TNR: variants seen among roughly 807,000 people sequenced by gnomAD.
The protein encoded by TNR is tenascin-R.
A neutral mutation model predicts 150.4 loss-of-function variants in TNR; 45 were observed. The observed-to-expected ratio is 0.30, with a 90% confidence interval of 0.24 to 0.38. TNR has a LOEUF of 0.38. Among genes scored for constraint, TNR ranks in the 10% least tolerant of loss-of-function variants. The pLI is 1.00. For missense variants in TNR, 1,544 were observed against 1,759.1 expected, an observed-to-expected ratio of 0.88 and a Z score of 2.19; for synonymous variants, 687 against 678.4, an observed-to-expected ratio of 1.01 and a Z score of -0.20.
chr1:175,406,084 T>C lies in TNR; in HGVS notation c.499+132A>G. The C allele has an allele frequency of 2.4e-6, 3 of 1,247,122 alleles. No homozygotes were observed. In the South Asian group the frequency reaches 4.5e-5, roughly 19 times the overall value. 77.3% of individuals were successfully genotyped at this position (1,247,122 alleles called of 1,614,324 possible). On this transcript the variant is annotated intron_variant, in intron 3 of 22. Transcript: ENST00000367674. ...AGGACACTTTTTTCCTTTGACCGTGTGAAGAGATGCCGGGGTTTTGCTGGG... is the reference window on the plus strand; with the variant it reads ...AGGACACTTTTTTCCTTTGACCGTGCGAAGAGATGCCGGGGTTTTGCTGGG...
At chr1:175,347,827 C>T (rs1285704123) in intron 18 of TNR, among the ~76,000 whole-genome samples, 1 of 152,006 alleles carries the variant, frequency 6.6e-6, no homozygotes, top group African/African-American at 2.4e-5. Context: ...GCTTTAGTTG[C>T]ATTCCTTTTG....
chr1:175,640,791 GTATA>G (rs59240572), intron 1 of TNR, among the ~76,000 whole-genome samples: 4 of 143,628 alleles, frequency 2.8e-5, no homozygotes, highest in Admixed American at 7.0e-5. Context: ...GTGTGTGTGG[GTATA>G]TATATATATA....
rs528852206 is a variant in TNR at position 175,424,771 on chromosome 1, C to T, written c.-63-17994G>A. Among the ~76,000 whole-genome samples, 134 of 152,210 alleles carry T rather than the reference C, an allele frequency of 8.8e-4. 1 individual carries two copies. The highest frequency in any genetic ancestry group is 3.2e-3 in the African/African-American group (132 of 41,546). ...TCTCTACCCAGCACCAGCCAGTTGCCGCCAGAGTATCAGAAGCTTCAAAGT... is the reference window on the plus strand; with the variant it reads ...TCTCTACCCAGCACCAGCCAGTTGCTGCCAGAGTATCAGAAGCTTCAAAGT... On this transcript the variant is annotated intron_variant, in intron 2 of 22. Coordinates refer to ENST00000367674, the MANE Select transcript of TNR (RefSeq NM_003285.3).
intron 2 of TNR, among the ~76,000 whole-genome samples, chr1:175,507,369 T>C (rs1307671718): frequency 6.6e-6 from 1 of 152,196 alleles, no homozygotes; most frequent in East Asian, 1.9e-4. Context: ...CTTTCTGCCA[T>C]CAGAGTTCTT....
intron 18 of TNR, among the ~76,000 whole-genome samples, chr1:175,352,973 C>T (rs529450369): frequency 5.8e-4 from 89 of 152,214 alleles, no homozygotes; most frequent in Non-Finnish European, 1.1e-3. Flanking sequence ...GAGGCATGGA[C>T]GGGAATCCAG....
chr1:175,382,488 T>A (rs1571364790), intron 8 of TNR, among the ~76,000 whole-genome samples: 1 of 152,088 alleles, frequency 6.6e-6, no homozygotes, highest in African/African-American at 2.4e-5. Context: ...TCCTGAAGAG[T>A]CCTAGAGCGG....
chr1:175,326,531 T>C (rs1649406335), intron 21 of TNR, among the ~76,000 whole-genome samples: 1 of 152,164 alleles, frequency 6.6e-6, no homozygotes. Flanking sequence ...TTCTTCGTCT[T>C]CCCCTTCCAG....
At chr1:175,457,525 G>C (rs1167887555) in intron 2 of TNR, among the ~76,000 whole-genome samples, 1 of 152,188 alleles carries the variant, frequency 6.6e-6, no homozygotes, top group African/African-American at 2.4e-5. Context: ...CTCACCCACT[G>C]TGCCCAGGGA....
At chr1:175,687,583 T>C (rs1666241780) in intron 1 of TNR, among the ~76,000 whole-genome samples, 1 of 152,124 alleles carries the variant, frequency 6.6e-6, no homozygotes, top group South Asian at 2.1e-4. Context: ...TAAACCTTTC[T>C]AGACATAGTT....
At chr1:175,381,650 C>T (rs1356239661) in intron 8 of TNR, among the ~76,000 whole-genome samples, 1 of 152,192 alleles carries the variant, frequency 6.6e-6, no homozygotes, top group African/African-American at 2.4e-5. Flanking sequence ...CCTGCAACGT[C>T]AGCAAGTCAA....
At chr1:175,377,264 A>G (rs1000857612) in intron 9 of TNR, among the ~76,000 whole-genome samples, 13 of 152,204 alleles carry the variant, frequency 8.5e-5, no homozygotes, top group African/African-American at 2.7e-4. Context: ...TGAGTGTCGG[A>G]TCTTCTTTTT....
intron 8 of TNR, among the ~76,000 whole-genome samples, chr1:175,385,746 T>C (rs370831991): frequency 1.3e-5 from 2 of 152,236 alleles, no homozygotes; most frequent in South Asian, 4.1e-4. Flanking sequence ...CTTGTCATTT[T>C]ACAAACGGGA....
intron 1 of TNR, among the ~76,000 whole-genome samples, chr1:175,697,044 GA>G (rs67198163): frequency 0.43 from 63,094 of 147,986 alleles, 13,953 homozygotes; most frequent in East Asian, 0.71. Flanking sequence ...TTCTTTAAAA[GA>G]AAAAAAAAAA....
chr1:175,669,179 G>C (rs979112115), intron 1 of TNR, among the ~76,000 whole-genome samples: 1 of 152,196 alleles, frequency 6.6e-6, no homozygotes, highest in Non-Finnish European at 1.5e-5. Flanking sequence ...GTGTTGAAGA[G>C]GTAATGATGG....
chr1:175,587,501 T>C lies in TNR; in HGVS notation c.-164-59132A>G, dbSNP rs142388083. On this transcript the variant is annotated intron_variant, in intron 1 of 22. Coordinates refer to ENST00000367674, the MANE Select transcript of TNR (RefSeq NM_003285.3). ...AAGAATCTAGCTCAGTACTTGTGTA[T>C]GGTAGATACATAGAAAAAATAGTTC... is the stretch of plus-strand genomic sequence containing the variant. Among the ~76,000 whole-genome samples, 840 of 152,330 alleles carry C rather than the reference T, an allele frequency of 5.5e-3. 4 individuals carry two copies. Among genetic ancestry groups the C allele is most frequent in the Non-Finnish European group, 8.1e-3 (552 of 68,028 alleles).
At chr1:175,361,739 G>A (rs970447361) in intron 14 of TNR, among the ~76,000 whole-genome samples, 2 of 152,196 alleles carry the variant, frequency 1.3e-5, no homozygotes, top group East Asian at 1.9e-4. Context: ...GTTTTCCCAC[G>A]TGCTGTGGGA....
At chr1:175,446,405 C>T (rs1424086620) in intron 2 of TNR, among the ~76,000 whole-genome samples, 5 of 152,090 alleles carry the variant, frequency 3.3e-5, no homozygotes, top group Admixed American at 1.3e-4. Flanking sequence ...ATTTTAGTTT[C>T]CTGGGACCAG....
intron 1 of TNR, among the ~76,000 whole-genome samples, chr1:175,533,981 T>G (rs74127326): frequency 2.6e-5 from 4 of 152,136 alleles, no homozygotes; most frequent in Admixed American, 6.5e-5. Context: ...AGGTCTTGGT[T>G]TGGAGGTCAG....
chr1:175,582,789 G>T (rs566626379), intron 1 of TNR, among the ~76,000 whole-genome samples: 1 of 152,106 alleles, frequency 6.6e-6, no homozygotes, highest in African/African-American at 2.4e-5. Context: ...GTATTAAGAG[G>T]TGGAACCTTT....
Sources: allele counts gnomAD v4.1 joint callset (sites outside exome capture counted in the v4.1 genomes callset), GRCh38; gene constraint gnomAD v4.1.1; transcripts MANE v1.5; gene names NCBI Gene and HGNC (gene_info 2026-07-23, HGNC 2026-07-21).